Variants in WNK3 observed in about 807,000 individuals in gnomAD.
WNK3 encodes WNK lysine deficient protein kinase 3, also known as serine/threonine-protein kinase WNK3.
Under a neutral mutation model 116.7 loss-of-function variants are expected in WNK3, and 18 were observed. That is an observed-to-expected ratio of 0.15 (90% CI 0.11 to 0.23). The LOEUF (loss-of-function observed/expected upper bound fraction) is 0.23. Ranked by LOEUF, WNK3 falls within the 10% of genes least tolerant of loss-of-function variation. The pLI is 1.00. For synonymous variants in WNK3, 404 were observed against 469.4 expected (o/e 0.86, Z 1.80); for missense variants, 993 against 1,323.8 (o/e 0.75, Z 3.88).
At chrX:54,291,327 A>AAAACG (rs1557165030) in intron 10 of WNK3, among the ~76,000 whole-genome samples, 1 of 111,766 alleles carries the variant, frequency 8.9e-6, no homozygotes, top group African/African-American at 3.3e-5. Context: ...AAAACAAAAC[A>AAAACG]AAACGAAACA....
At chrX:54,198,337 G>A (rs781991689) in exon 24 of WNK3, 1 of 1,195,856 alleles carries the variant, frequency 8.4e-7, no homozygotes, top group East Asian at 3.0e-5. Flanking sequence ...TTTAGGACCA[G>A]GAGGGATTGT....
intron 15 of WNK3, among the ~76,000 whole-genome samples, chrX:54,251,060 T>C (rs1348278264): frequency 8.9e-6 from 1 of 111,991 alleles, no homozygotes; most frequent in African/African-American, 3.2e-5. Context: ...TGATGACTTT[T>C]GTTAAAAAGT....
chrX:54,298,091 A>G, intron 7 of WNK3, 84 bp downstream of exon 7: 1 of 684,571 alleles, frequency 1.5e-6, no homozygotes, highest in Non-Finnish European at 2.3e-6. Context: ...GGAGAAAATG[A>G]GAGGAAAGAA....
chrX:54,225,741 T>C (rs1334142689), intron 22 of WNK3, among the ~76,000 whole-genome samples: 1 of 110,538 alleles, frequency 9.0e-6, no homozygotes, highest in Non-Finnish European at 1.9e-5. Flanking sequence ...CAAATTGATA[T>C]ATAGAGTCAA....
chrX:54,277,520 T>A (rs1231006633), intron 10 of WNK3, among the ~76,000 whole-genome samples: 1 of 109,202 alleles, frequency 9.2e-6, no homozygotes, highest in African/African-American at 3.3e-5. Context: ...GTATTTTTAG[T>A]AGAGACGGGG....
At position 54,312,023 on chromosome X, in the gene WNK3, G is replaced by C. The variant is rs147445977; in HGVS notation, c.538-732C>G. On this transcript the variant is annotated intron_variant, in intron 2 of 23. Coordinates refer to ENST00000354646, the Ensembl canonical transcript of WNK3. ...ATAAAAATTTGGACACAAAAAGTTA[G>C]AAAAGGAAGGTATGGGCTGGGCACG... 4.7e-3 allele frequency among the ~76,000 whole-genome samples: 524 copies of C among 111,319 alleles called. 2 individuals carry two copies. Among genetic ancestry groups the C allele is most frequent in the African/African-American group, 0.016 (494 of 30,694 alleles).
At chrX:54,308,481 T>C (rs2068851491) in intron 4 of WNK3, among the ~76,000 whole-genome samples, 1 of 111,931 alleles carries the variant, frequency 8.9e-6, no homozygotes, top group Non-Finnish European at 1.9e-5. Context: ...TGGGCCACCA[T>C]GCCTGGCCGC....
At chrX:54,305,683 G>A (rs2068816132) in intron 5 of WNK3, among the ~76,000 whole-genome samples, 1 of 110,354 alleles carries the variant, frequency 9.1e-6, no homozygotes, top group Non-Finnish European at 1.9e-5. Flanking sequence ...GCGGGAAGTT[G>A]GGCAAGGTAC....
At chrX:54,226,197 C>T (rs1310887331) in intron 22 of WNK3, among the ~76,000 whole-genome samples, 1 of 108,678 alleles carries the variant, frequency 9.2e-6, no homozygotes, top group Admixed American at 9.9e-5. Context: ...TAGCCGGGTG[C>T]AGCGGCTCAG....
At chrX:54,249,061 T>C in exon 17 of WNK3, 1 of 1,212,048 alleles carries the variant, frequency 8.3e-7, no homozygotes, top group Non-Finnish European at 1.1e-6. Flanking sequence ...TCTTTCTCCA[T>C]CTGATTCCAG....
chrX:54,279,156 G>A (rs1162098520), intron 10 of WNK3, among the ~76,000 whole-genome samples: 1 of 108,076 alleles, frequency 9.3e-6, no homozygotes, highest in Non-Finnish European at 1.9e-5. Context: ...AAAAGTAGAA[G>A]AATATCTCCA....
At chrX:54,284,342 G>A (rs1216319117) in intron 10 of WNK3, among the ~76,000 whole-genome samples, 1 of 111,680 alleles carries the variant, frequency 9.0e-6, no homozygotes. Context: ...AAACCACGAT[G>A]AGATACCACT....
chrX:54,324,471 G>A (rs1557172885), intron 2 of WNK3, among the ~76,000 whole-genome samples: 1 of 112,051 alleles, frequency 8.9e-6, no homozygotes, highest in Non-Finnish European at 1.9e-5. Flanking sequence ...CCCAGACAAA[G>A]GCTATCTCCT....
chrX:54,334,265 C>T (rs952090286), intron 1 of WNK3, among the ~76,000 whole-genome samples: 12 of 111,738 alleles, frequency 1.1e-4, no homozygotes, highest in African/African-American at 3.9e-4. Context: ...TTATACAATT[C>T]AGTGGTGTTA....
chrX:54,248,545 C>A, intron 17 of WNK3, 152 bp downstream of exon 17: 1 of 468,284 alleles, frequency 2.1e-6, no homozygotes, highest in Non-Finnish European at 3.5e-6. Flanking sequence ...TGAACACCTG[C>A]AGCCTAAGTC....
chrX:54,351,754 A>G (rs2069518834), intron 1 of WNK3, among the ~76,000 whole-genome samples: 1 of 111,172 alleles, frequency 9.0e-6, no homozygotes, highest in South Asian at 3.8e-4. Flanking sequence ...TCTACCAAAA[A>G]TACAAAAACT....
chrX:54,252,951 A>T (rs187753038), intron 13 of WNK3, among the ~76,000 whole-genome samples: 45 of 110,269 alleles, frequency 4.1e-4, no homozygotes, highest in East Asian at 5.7e-4. Flanking sequence ...TAATAAAAAA[A>T]AATAATAAAA....
At chrX:54,311,772 G>A (rs886497837) in intron 2 of WNK3, among the ~76,000 whole-genome samples, 2 of 111,724 alleles carry the variant, frequency 1.8e-5, no homozygotes, top group African/African-American at 3.2e-5. Context: ...GAACCAGTGA[G>A]ACATTCAAAT....
intron 1 of WNK3, among the ~76,000 whole-genome samples, chrX:54,338,421 A>T (rs1405491938): frequency 3.1e-5 from 3 of 98,215 alleles, no homozygotes; most frequent in Non-Finnish European, 4.1e-5. Context: ...GAACCTGTTT[A>T]AAAAAAAAAA....
Sources: gnomAD v4.1 joint callset for allele counts (sites outside exome capture counted in the v4.1 genomes callset) on GRCh38, gnomAD v4.1.1 for gene constraint, MANE v1.5 for transcripts, NCBI Gene and HGNC (gene_info 2026-07-23, HGNC 2026-07-21) for gene names.